The following SPEG variants were observed in gnomAD, a reference collection of about 807,000 sequenced individuals.
SPEG encodes the protein striated muscle enriched protein kinase.
In SPEG, 114 loss-of-function variants were observed where a neutral mutation model predicts 300.4. The observed-to-expected ratio is 0.38, with a 90% confidence interval of 0.33 to 0.44. The LOEUF (loss-of-function observed/expected upper bound fraction) is 0.44. Among genes scored for constraint, SPEG ranks in the 20% least tolerant of loss-of-function variants. The pLI is 1.00. For synonymous variants in SPEG, 1,964 were observed against 2,018.9 expected (o/e 0.97, Z 0.73); for missense variants, 4,201 against 4,586.2 (o/e 0.92, Z 2.43).
In SPEG at chr2:219,483,424, C is replaced by T; in HGVS notation, c.5961C>T (p.Pro1987=). The part of the protein sequence containing the change: ...GRAPSQDQEA[P]SPEALPSPGQ... ...CTCCCTCTCAGGACCAGGAGGCTCC[C>T]AGCCCAGAGGCCCTCCCCTCCCCAG... The change falls in exon 30 of 41, where the codon CCC becomes CCT. Residue 1987 remains proline (P), a synonymous_variant. Transcript: ENST00000312358. 6.4e-7 allele frequency: 1 copy of T among 1,573,738 alleles called. No individual in the cohort carries two copies. The highest frequency in any genetic ancestry group is 8.6e-7 in the Non-Finnish European group (1 of 1,167,112).
At chr2:219,475,267 T>A (rs1459454063) in intron 18 of SPEG, among the ~76,000 whole-genome samples, 8 of 152,172 alleles carry the variant, frequency 5.3e-5, no homozygotes, top group Non-Finnish European at 7.3e-5. Context: ...GTAAATACAA[T>A]TCCAACCAAA....
chr2:219,448,555 G>A lies in SPEG; in HGVS notation c.1397G>A (p.Arg466Gln). The A allele has an allele frequency of 6.9e-7, 1 of 1,446,378 alleles. No individual in the cohort carries two copies. The highest frequency in any genetic ancestry group is 9.0e-7 in the Non-Finnish European group (1 of 1,109,066). The allele number at this position is 1,446,378 out of a possible 1,614,324, so 89.6% of individuals were successfully genotyped here. ...CGGGCGCCAGGCAGCGTGGCCGAGC[G>A]GCGCCGCCTGTTCCAGCAGAAAGCG... ...ELRAPGSVAE[R>Q]RRLFQQKAAS... The change falls in exon 4 of 41, where the codon CGG becomes CAG. Residue 466 changes from arginine (R) to glutamine (Q), a missense_variant. Coordinates refer to ENST00000312358, the MANE Select transcript of SPEG (RefSeq NM_005876.5).
In SPEG at chr2:219,462,007, C is replaced by A; in HGVS notation, c.2566C>A (p.Gln856Lys). Residue 856 changes from glutamine (Q) to lysine (K), a missense_variant, in exon 7 of 41, where the codon CAG becomes AAG. Around this residue, in one of 4 missense-constraint regions of SPEG, gnomAD observed 1,258 missense variants for 1,293.9 expected, o/e 0.97. Transcript: ENST00000312358. ...RTPTMKPSPSQNRRSSDTGSK... is the reference protein window; with the variant it reads ...RTPTMKPSPSKNRRSSDTGSK... ...CCCCACCATGAAGCCCAGTCCCAGC[C>A]AGAACCGCCGTTCTTCTGACACTGG... 1 of 1,611,084 alleles carries A rather than the reference C, an allele frequency of 6.2e-7. No individual in the cohort carries two copies. Among genetic ancestry groups the A allele is most frequent in the African/African-American group, 1.3e-5 (1 of 74,960 alleles).
rs1954806939 is a variant in SPEG at position 219,439,686 on chromosome 2, C to A, written c.388+4321C>A. ...GGGAGGCCCACCCAGAGAGCATGTT[C>A]CAGGCCAGCCCTTCAGGAGTGAGCA... On this transcript the variant is annotated intron_variant, in intron 1 of 40. Coordinates refer to ENST00000312358, the MANE Select transcript of SPEG (RefSeq NM_005876.5). The surrounding 1 kb of genome is among the most constrained non-coding windows in gnomAD (Gnocchi z 4.5). 6.6e-6 allele frequency among the ~76,000 whole-genome samples: 1 copy of A among 152,170 alleles called. No individual in the cohort carries two copies. Among genetic ancestry groups the A allele is most frequent in the Admixed American group, 6.5e-5 (1 of 15,268 alleles).
chr2:219,451,200 C>A lies in SPEG; in HGVS notation c.2178C>A (p.Ile726=). The change falls in exon 5 of 41, where the codon ATC becomes ATA. Residue 726 remains isoleucine (I), a synonymous_variant. Coordinates refer to ENST00000312358, the MANE Select transcript of SPEG (RefSeq NM_005876.5). This position sits in a 1 kb window ranked among gnomAD's most constrained non-coding sequence, Gnocchi z 6.4. ...CCCTAGAGGCCCCTGTGTTTGAGATCCCCCTGCAGAATGTGGTGGTGGCAC... is the reference window on the plus strand; with the variant it reads ...CCCTAGAGGCCCCTGTGTTTGAGATACCCCTGCAGAATGTGGTGGTGGCAC... ...EEPLEAPVFE[I]PLQNVVVAPG... 1 of 1,613,858 alleles carries A rather than the reference C, an allele frequency of 6.2e-7. No homozygotes were observed.
At position 219,464,760 on chromosome 2, in the gene SPEG, A is replaced by C; in HGVS notation, c.2881+152A>C. On this transcript the variant is annotated intron_variant, in intron 9 of 40. Transcript: ENST00000312358. The surrounding 1 kb of genome is among the most constrained non-coding windows in gnomAD (Gnocchi z 4.5). ...AGCTGCTTATATTATTGTTGAGTGA[A>C]CCAAAGCCCAGAGACAGGAAGTGAC... 1.5e-6 allele frequency: 1 copy of C among 669,938 alleles called. No homozygotes were observed. The highest frequency in any genetic ancestry group is 2.5e-6 in the Non-Finnish European group (1 of 397,650). 41.5% of individuals were successfully genotyped at this position (669,938 alleles called of 1,614,324 possible).
chr2:219,491,946 C>A, intron 39 of SPEG, 77 bp downstream of exon 39: 2 of 1,394,648 alleles, frequency 1.4e-6, no homozygotes, highest in Non-Finnish European at 2.0e-6. Flanking sequence ...CCAACACCCT[C>A]TCCCCCGTGC....
chr2:219,466,885 T>TG, intron 9 of SPEG: 1 of 1,224,742 alleles, frequency 8.2e-7, no homozygotes, highest in Non-Finnish European at 1.0e-6. Context: ...TGTTTTTTTT[T>TG]CCCCCGCCGA....
At chr2:219,435,878 G>T (rs1226968019) in intron 1 of SPEG, among the ~76,000 whole-genome samples, 1 of 152,220 alleles carries the variant, frequency 6.6e-6, no homozygotes, top group Non-Finnish European at 1.5e-5. Flanking sequence ...GCTCTAGGTG[G>T]GGTGTGGAAG....
chr2:219,468,764 G>A, intron 11 of SPEG, 28 bp downstream of exon 11: 1 of 1,612,348 alleles, frequency 6.2e-7, no homozygotes, highest in Non-Finnish European at 8.5e-7. Flanking sequence ...CAGGTGTTGA[G>A]GGCCCCCCCA....
chr2:219,438,256 A>G (rs1954771348), intron 1 of SPEG, among the ~76,000 whole-genome samples: 1 of 152,196 alleles, frequency 6.6e-6, no homozygotes, highest in Admixed American at 6.5e-5. Context: ...GTCTCATTTA[A>G]TTATTTAATC....
Position 219,479,908 on chromosome 2 carries a change from TGAA to T in SPEG, c.5163+50_5164-50del, listed in dbSNP as rs778268873. ...GACAGCCCCTGTGGGAGCCAGGAGG[TGAA>T]GCATCCTTCCTTGTTCATTTGGCCC... On this transcript the variant is annotated intron_variant, in intron 24 of 40. Coordinates refer to ENST00000312358, the MANE Select transcript of SPEG (RefSeq NM_005876.5). This position sits in a 1 kb window ranked among gnomAD's most constrained non-coding sequence, Gnocchi z 5.5. The T allele has an allele frequency of 1.9e-6, 3 of 1,613,922 alleles. No individual in the cohort carries two copies. Among genetic ancestry groups the T allele is most frequent in the Non-Finnish European group, 2.5e-6 (3 of 1,179,904 alleles).
intron 6 of SPEG, chr2:219,461,033 G>C (rs1200485516): frequency 3.1e-6 from 3 of 970,388 alleles, no homozygotes; most frequent in Non-Finnish European, 3.7e-6. Context: ...GGCTTGGGGT[G>C]GGGGGACCCT....
rs771765677 is a variant in SPEG, at chr2:219,472,302, A to AC, written c.3918dup (p.Arg1307GlnfsTer45). The AC allele has an allele frequency of 8.7e-6, 14 of 1,612,496 alleles. No individual in the cohort carries two copies. Among genetic ancestry groups the AC allele is most frequent in the Non-Finnish European group, 2.5e-6 (3 of 1,179,764 alleles). ...GGGAGGATGGTCACACTCACATGGA[A>AC]CCCCCCCAGGAGTCTGGACATGGCC... On this transcript the variant is annotated frameshift_variant, in exon 15 of 41. Transcript: ENST00000312358. LOFTEE classifies it high-confidence loss of function.
rs1192947750 is a variant in SPEG, at chr2:219,489,042, T to C, written c.8150-12T>C. Reference sequence around the variant, plus strand: ...TTCTGTGACCTCAGCCCCTCCCCCATACTGCCTATAGGGGAGTCTGTGTGG... The same window carrying C: ...TTCTGTGACCTCAGCCCCTCCCCCACACTGCCTATAGGGGAGTCTGTGTGG... On this transcript the variant is annotated splice_polypyrimidine_tract_variant and intron_variant, in intron 34 of 40. Coordinates refer to ENST00000312358, the MANE Select transcript of SPEG (RefSeq NM_005876.5). The C allele has an allele frequency of 1.9e-6, 3 of 1,613,322 alleles. No individual in the cohort carries two copies. The South Asian group carries it at 3.3e-5, about 18-fold the overall frequency.
Position 219,451,516 on chromosome 2 carries a change from G to C in SPEG, c.2258-109G>C, listed in dbSNP as rs1689745587. ...GGCGGACTCTTCCAGATTCCCTGGGGTGCTGAGAGGAGAGGTTTGGTCTCC... is the reference window on the plus strand; with the variant it reads ...GGCGGACTCTTCCAGATTCCCTGGGCTGCTGAGAGGAGAGGTTTGGTCTCC... On this transcript the variant is annotated intron_variant, in intron 5 of 40. Transcript: ENST00000312358. The surrounding 1 kb of genome is among the most constrained non-coding windows in gnomAD (Gnocchi z 6.4). The C allele has an allele frequency of 8.2e-7, 1 of 1,225,868 alleles. No individual in the cohort carries two copies. 75.9% of individuals were successfully genotyped at this position (1,225,868 alleles called of 1,614,324 possible). A position where few individuals can be genotyped will look rare whatever the true frequency, so the allele number is the denominator to read the frequency against.
At chr2:219,446,995 T>TTTCTA (rs1689342196) in intron 3 of SPEG, among the ~76,000 whole-genome samples, 6 of 114,966 alleles carry the variant, frequency 5.2e-5, no homozygotes, top group African/African-American at 1.8e-4. Context: ...TTTTTTTGCT[T>TTTCTA]ATCTTTATGT....
chr2:219,484,197 A>T lies in SPEG; in HGVS notation c.6734A>T (p.Tyr2245Phe), dbSNP rs200650051. The change falls in exon 30 of 41, where the codon TAT becomes TTT. Residue 2245 changes from tyrosine to phenylalanine, a missense_variant. This residue lies in a region of SPEG where 1,578 missense variants were observed against 1,506.0 expected (regional missense o/e 1.05). Transcript: ENST00000312358. ...ACCCTAGCGCTGCCCCTCACACCCTATGCTCAGATCATTCAGTCCCTCCAG... is the reference window on the plus strand; with the variant it reads ...ACCCTAGCGCTGCCCCTCACACCCTTTGCTCAGATCATTCAGTCCCTCCAG... ...LQTLALPLTP[Y>F]AQIIQSLQLS... 99 of 1,611,204 alleles carry T rather than the reference A, an allele frequency of 6.1e-5. No homozygotes were observed. The highest frequency in any genetic ancestry group is 8.2e-5 in the Non-Finnish European group (97 of 1,179,450).
chr2:219,466,697 C>T (rs1691392967), intron 9 of SPEG: 1 of 999,796 alleles, frequency 1.0e-6, no homozygotes, highest in Admixed American at 5.5e-5. Context: ...GGTTTAGGGC[C>T]CATTTGGGGC....
Sources: gnomAD v4.1 joint callset for allele counts (sites outside exome capture counted in the v4.1 genomes callset) on GRCh38, gnomAD v4.1.1 for gene constraint, gnomAD v4.1.1 regional missense constraint, Gnocchi (gnomAD v3.1) non-coding constraint, MANE v1.5 for transcripts, NCBI Gene and HGNC (gene_info 2026-07-23, HGNC 2026-07-21) for gene names.